The following DERL2 variants were observed in gnomAD, a reference collection of about 807,000 sequenced individuals.
The protein encoded by DERL2 is derlin-2.
Under a neutral mutation model 32.0 loss-of-function variants are expected in DERL2, and 13 were observed. The observed-to-expected ratio is 0.41, with a 90% confidence interval of 0.26 to 0.65. DERL2 has a LOEUF of 0.65. Ranked by LOEUF, DERL2 falls within the 30% of genes least tolerant of loss-of-function variation. DERL2 has a pLI of 0.35. For missense variants in DERL2, 208 were observed against 296.3 expected (o/e 0.70, Z 2.19); for synonymous variants, 111 against 104.7 (o/e 1.06, Z -0.37).
rs1905381782 is a variant in DERL2, at chr17:5,476,426, T to C, written c.615-1637A>G. Among the ~76,000 whole-genome samples the C allele has an allele frequency of 2.0e-5, 3 of 152,062 alleles. No homozygotes were observed. The South Asian group carries it at 6.2e-4, about 31-fold the overall frequency. ...CTGAATATGCAATTCAAAAAGGAAA[T>C]CCATGTGGTCAATAAACGTGAGAAT... On this transcript the variant is annotated intron_variant, in intron 6 of 6. Coordinates refer to ENST00000158771, the MANE Select transcript of DERL2 (RefSeq NM_016041.5).
chr17:5,473,007 A>C lies in DERL2; in HGVS notation c.*1677T>G, dbSNP rs890141295. 3.3e-5 allele frequency: 5 copies of C among 152,364 alleles called. No individual in the cohort carries two copies. The East Asian group carries it at 9.6e-4, about 29-fold the overall frequency. 9.4% of individuals were successfully genotyped at this position (152,364 alleles called of 1,614,324 possible). ...TTATTAGCAACATGTAAAATACTTA[A>C]ATACCATTAGTTATGCAATTCCATT... On this transcript the variant is annotated 3_prime_UTR_variant, in exon 7 of 7. Coordinates refer to ENST00000158771, the MANE Select transcript of DERL2 (RefSeq NM_016041.5).
In DERL2 at chr17:5,474,802, C is replaced by G. The variant is rs1905284799; in HGVS notation, c.615-13G>C. 1 of 1,607,406 alleles carries G rather than the reference C, an allele frequency of 6.2e-7. No homozygotes were observed. The highest frequency in any genetic ancestry group is 8.5e-7 in the Non-Finnish European group (1 of 1,174,732). On this transcript the variant is annotated splice_polypyrimidine_tract_variant and intron_variant, in intron 6 of 6. Transcript: ENST00000158771. The surrounding 1 kb of genome is among the most constrained non-coding windows in gnomAD (Gnocchi z 4.3). ...AAAAATAGCTTTCCTAAAAGACAAG[C>G]AACAGATATAATTTGGTCCCAGAGT...
intron 6 of DERL2, among the ~76,000 whole-genome samples, chr17:5,476,730 G>C (rs551179051): frequency 6.6e-6 from 1 of 152,148 alleles, no homozygotes; most frequent in African/African-American, 2.4e-5. Flanking sequence ...GCAGTGAGCC[G>C]AGATTGAGCC....
At position 5,482,879 on chromosome 17, in the gene DERL2, A is replaced by T; in HGVS notation, c.163T>A (p.Trp55Arg). The change falls in exon 3 of 7, where the codon TGG becomes AGG. Residue 55 changes from tryptophan (W) to arginine (R), a missense_variant. This residue lies in a region of DERL2 where 124 missense variants were observed against 215.3 expected (regional missense o/e 0.58). Coordinates refer to ENST00000158771, the MANE Select transcript of DERL2 (RefSeq NM_016041.5). ...AATAAGAAGTTGGTGATTAATCTCC[A>T]TATCTGTTAAAAAAAAATCAAGAGA... ...PELIFKHFQI[W>R]RLITNFLFFG... 6.8e-7 allele frequency: 1 copy of T among 1,461,166 alleles called. No individual in the cohort carries two copies. Among genetic ancestry groups the T allele is most frequent in the Non-Finnish European group, 9.4e-7 (1 of 1,065,862 alleles). The allele number at this position is 1,461,166 out of a possible 1,614,324, so 90.5% of individuals were successfully genotyped here. A position where few individuals can be genotyped will look rare whatever the true frequency, so the allele number is the denominator to read the frequency against.
intron 3 of DERL2, 164 bp downstream of exon 3, chr17:5,482,645 A>G: frequency 1.9e-6 from 1 of 525,062 alleles, no homozygotes; most frequent in East Asian, 3.7e-5. Context: ...TGACCTACAG[A>G]CATTTTCAAA....
At chr17:5,486,369 G>A (rs1466030567), upstream of DERL2, 4 of 454,910 alleles carry the variant, frequency 8.8e-6, no homozygotes, top group African/African-American at 7.6e-5. Context: ...CCCCCCCAGC[G>A]CCCCATCTCC....
chr17:5,480,688 CAAGTT>C lies in DERL2; in HGVS notation c.328-111_328-107del, dbSNP rs1270419108. ...TAACAGAAGTTTGAATTGGAAAAGT[CAAGTT>C]GTTACATCTTTAGAATAGAAGGAGA... On this transcript the variant is annotated intron_variant, in intron 4 of 6. Transcript: ENST00000158771. 3.7e-5 allele frequency: 37 copies of C among 993,170 alleles called. No individual in the cohort carries two copies. The South Asian group carries it at 9.2e-4, about 25-fold the overall frequency. 61.5% of individuals were successfully genotyped at this position (993,170 alleles called of 1,614,324 possible).
At chr17:5,484,359 G>A (rs967368893) in intron 2 of DERL2, among the ~76,000 whole-genome samples, 11 of 152,224 alleles carry the variant, frequency 7.2e-5, no homozygotes, top group African/African-American at 2.7e-4. Flanking sequence ...TGATTCTCCT[G>A]CCTCAGCCTC....
Position 5,481,329 on chromosome 17 carries a change from T to C in DERL2, c.294A>G (p.Val98=), listed in dbSNP as rs1905765700. Residue 98 remains valine, a synonymous_variant, in exon 4 of 7, where the codon GTA becomes GTG. Coordinates refer to ENST00000158771, the MANE Select transcript of DERL2 (RefSeq NM_016041.5). The surrounding 1 kb of genome is among the most constrained non-coding windows in gnomAD (Gnocchi z 4.4). ...GSFRGRTADF[V]FMFLFGGFLM... ...AGAATCCACCAAAAAGGAACATAAA[T>C]ACAAAGTCTGCTGTCCGACCTCGGA... 4 of 1,613,970 alleles carry C rather than the reference T, an allele frequency of 2.5e-6. No individual in the cohort carries two copies. The highest frequency in any genetic ancestry group is 3.4e-6 in the Non-Finnish European group (4 of 1,179,956).
chr17:5,474,399 A>G lies in DERL2; in HGVS notation c.*285T>C, dbSNP rs1202404881. On this transcript the variant is annotated 3_prime_UTR_variant, in exon 7 of 7. Transcript: ENST00000158771. The surrounding 1 kb of genome is among the most constrained non-coding windows in gnomAD (Gnocchi z 4.3). Reference sequence around the variant, plus strand: ...GGAAGAAAAGGCTCTGCCTTATACCATAAAAATCAAGTACTCATGTACTTG... The same window carrying G: ...GGAAGAAAAGGCTCTGCCTTATACCGTAAAAATCAAGTACTCATGTACTTG... 1.8e-5 allele frequency: 5 copies of G among 278,380 alleles called. No homozygotes were observed. The highest frequency in any genetic ancestry group is 3.3e-5 in the Non-Finnish European group (5 of 149,580). 17.2% of individuals were successfully genotyped at this position (278,380 alleles called of 1,614,324 possible).
chr17:5,486,500 T>C (rs538286215), upstream of DERL2: 5 of 203,212 alleles, frequency 2.5e-5, no homozygotes, highest in Admixed American at 1.2e-4. Flanking sequence ...ATAATTGAGG[T>C]GTCCACAACC....
chr17:5,478,781 G>A (rs1408082547), intron 6 of DERL2, among the ~76,000 whole-genome samples: 3 of 152,182 alleles, frequency 2.0e-5, no homozygotes, highest in African/African-American at 7.2e-5. Flanking sequence ...TAACACTTCA[G>A]GGTGGAAAAA....
chr17:5,477,932 T>G (rs549842262), intron 6 of DERL2: 1 of 152,412 alleles, frequency 6.6e-6, no homozygotes, highest in South Asian at 2.1e-4. Flanking sequence ...ACCCAGATCT[T>G]GGCTTCTAAA....
At chr17:5,485,599 G>A (rs933824960) in intron 1 of DERL2, among the ~76,000 whole-genome samples, 1 of 152,156 alleles carries the variant, frequency 6.6e-6, no homozygotes, top group African/African-American at 2.4e-5. Context: ...ACGGAGACTG[G>A]AGACCCTGCC....
chr17:5,480,045 A>C lies in DERL2; in HGVS notation c.614+9T>G, dbSNP rs1268745219. The C allele has an allele frequency of 1.3e-6, 2 of 1,553,618 alleles. No homozygotes were observed. Among genetic ancestry groups the C allele is most frequent in the East Asian group, 2.2e-5 (1 of 44,532 alleles). On this transcript the variant is annotated intron_variant, in intron 6 of 6. Transcript: ENST00000158771. Reference sequence around the variant, plus strand: ...TGTAAGAGTATGTAACCTGGTGTTAAATACTCACAAAATAGATGGTGTTTT... The same window carrying C: ...TGTAAGAGTATGTAACCTGGTGTTACATACTCACAAAATAGATGGTGTTTT...
At position 5,481,650 on chromosome 17, in the gene DERL2, CTT is replaced by C. The variant is rs200101521; in HGVS notation, c.234-263_234-262del. 6.9e-6 allele frequency among the ~76,000 whole-genome samples: 1 copy of C among 145,756 alleles called. No individual in the cohort carries two copies. The highest frequency in any genetic ancestry group is 1.5e-5 in the Non-Finnish European group (1 of 65,968). On this transcript the variant is annotated intron_variant, in intron 3 of 6. Coordinates refer to ENST00000158771, the MANE Select transcript of DERL2 (RefSeq NM_016041.5). This position sits in a 1 kb window ranked among gnomAD's most constrained non-coding sequence, Gnocchi z 4.4. ...ACAGACATGCTTTCAGTCCCCTATT[CTT>C]TTTTTTTTTTCTTTTGAGACAGAGT...
intron 6 of DERL2, among the ~76,000 whole-genome samples, chr17:5,478,231 A>C (rs1052660449): frequency 1.3e-5 from 2 of 151,990 alleles, no homozygotes; most frequent in African/African-American, 4.8e-5. Flanking sequence ...GAAAATAAGC[A>C]GAGCTTGGTG....
In DERL2 at chr17:5,481,336, T is replaced by C; in HGVS notation, c.287A>G (p.Asp96Gly). The C allele has an allele frequency of 6.2e-7, 1 of 1,614,138 alleles. No homozygotes were observed. Among genetic ancestry groups the C allele is most frequent in the Non-Finnish European group, 8.5e-7 (1 of 1,179,980 alleles). Reference protein sequence around the residue: ...EEGSFRGRTADFVFMFLFGGF... With the variant: ...EEGSFRGRTAGFVFMFLFGGF... ...ACCAAAAAGGAACATAAATACAAAG[T>C]CTGCTGTCCGACCTCGGAAAGAGCC... is the stretch of plus-strand genomic sequence containing the variant. Residue 96 changes from aspartate (D) to glycine (G), a missense_variant, in exon 4 of 7, where the codon GAC (aspartate) becomes GGC (glycine). Asp to Gly is a moderately conservative substitution (Grantham distance 94). Transcript: ENST00000158771. The surrounding 1 kb of genome is among the most constrained non-coding windows in gnomAD (Gnocchi z 4.4).
chr17:5,479,496 TAAAAAAAAAA>T (rs11306765), intron 6 of DERL2, among the ~76,000 whole-genome samples: 4,440 of 69,540 alleles, frequency 0.064, 93 homozygotes, highest in Middle Eastern at 0.13. Context: ...AGACTCCATG[TAAAAAAAAAA>T]AAAAAAAAAA....
Sources: gnomAD v4.1 joint callset for allele counts (sites outside exome capture counted in the v4.1 genomes callset) on GRCh38, gnomAD v4.1.1 for gene constraint, gnomAD v4.1.1 regional missense constraint, Gnocchi (gnomAD v3.1) non-coding constraint, MANE v1.5 for transcripts, NCBI Gene and HGNC (gene_info 2026-07-23, HGNC 2026-07-21) for gene names.